The following FANK1 variants were observed in gnomAD, a reference collection of about 807,000 sequenced individuals.
FANK1 encodes fibronectin type III and ankyrin repeat domains 1, also known as fibronectin type 3 and ankyrin repeat domains protein 1.
Under a neutral mutation model 45.3 loss-of-function variants are expected in FANK1, and 44 were observed. The ratio of observed to expected loss-of-function variants is 0.97; its 90% CI spans 0.76 to 1.25. FANK1 has a LOEUF of 1.25. Among genes scored for constraint, FANK1 ranks in the 50% most tolerant of loss-of-function variants. The probability of loss-of-function intolerance (pLI) is 0.00; values close to 1 mark genes in which losing one functional copy is unlikely to be tolerated. For missense variants in FANK1, 391 were observed against 424.4 expected, an observed-to-expected ratio of 0.92 and a Z score of 0.69; for synonymous variants, 149 against 152.5, an observed-to-expected ratio of 0.98 and a Z score of 0.17.
At chr10:125,991,278 T>TGTGTGTGTGTGTGTGTGTG (rs60170742) in intron 3 of FANK1, among the ~76,000 whole-genome samples, 6 of 147,058 alleles carry the variant, frequency 4.1e-5, no homozygotes, top group African/African-American at 1.5e-4. Flanking sequence ...TGTGTGTGTG[T>TGTGTGTGTGTGTGTGTGTG]TGGGGGAGTG....
chr10:125,944,990 G>A (rs1184270242), intron 1 of FANK1, among the ~76,000 whole-genome samples: 2 of 152,176 alleles, frequency 1.3e-5, no homozygotes, highest in East Asian at 1.9e-4. Context: ...CCCCAACCGA[G>A]CTTGTCTCCA....
chr10:125,962,237 C>T (rs1187194723), intron 1 of FANK1, among the ~76,000 whole-genome samples: 2 of 152,160 alleles, frequency 1.3e-5, no homozygotes, highest in South Asian at 2.1e-4. Flanking sequence ...TTTCTGTAGA[C>T]CCCCTTGCAC....
chr10:125,910,919 A>T (rs924105755), intron 1 of FANK1, among the ~76,000 whole-genome samples: 12 of 151,898 alleles, frequency 7.9e-5, no homozygotes, highest in Non-Finnish European at 1.5e-5. Context: ...CTGTAGTTCC[A>T]GTTACTTGGG....
chr10:125,905,144 A>AC (rs1460323073), intron 1 of FANK1, among the ~76,000 whole-genome samples: 2 of 50,680 alleles, frequency 3.9e-5, no homozygotes, highest in African/African-American at 7.3e-5. Flanking sequence ...AAAAAAAAAA[A>AC]AAAAAACAAA....
At chr10:125,999,606 C>CA (rs1952607277) in intron 6 of FANK1, among the ~76,000 whole-genome samples, 1 of 151,946 alleles carries the variant, frequency 6.6e-6, no homozygotes, top group Non-Finnish European at 1.5e-5. Context: ...AATTCCTTTC[C>CA]AAAATTAGTA....
chr10:125,951,448 A>G (rs1376039618), intron 1 of FANK1, among the ~76,000 whole-genome samples: 2 of 152,182 alleles, frequency 1.3e-5, no homozygotes, highest in African/African-American at 4.8e-5. Context: ...TGAGTTGCTC[A>G]TTGTGACAGG....
chr10:125,986,938 A>G (rs3812684), intron 2 of FANK1, among the ~76,000 whole-genome samples: 136,595 of 152,216 alleles, frequency 0.9, 61,338 homozygotes, highest in Admixed American at 0.92. Context: ...GCCATGCCTC[A>G]TCCTTTAGGA....
rs529252082 is a variant in FANK1, at chr10:125,921,548, G to C, written c.13+24893G>C. ...TGCAAATGACTAAGGGTGTAGGATTGCTGAGTCACATGGTCCGTGTACGTT... is the reference window on the plus strand; with the variant it reads ...TGCAAATGACTAAGGGTGTAGGATTCCTGAGTCACATGGTCCGTGTACGTT... On this transcript the variant is annotated intron_variant, in intron 1 of 10. Coordinates refer to ENST00000368693, the MANE Select transcript of FANK1 (RefSeq NM_145235.5). Among the ~76,000 whole-genome samples the C allele has an allele frequency of 3.3e-4, 50 of 152,316 alleles. No individual in the cohort carries two copies. In the South Asian group the frequency reaches 9.7e-3, roughly 30 times the overall value.
chr10:126,009,175 A>G lies in FANK1; in HGVS notation c.927+44A>G, dbSNP rs781365412. The G allele has an allele frequency of 5.0e-6, 8 of 1,614,102 alleles. No individual in the cohort carries two copies. The East Asian group carries it at 1.8e-4, about 36-fold the overall frequency. On this transcript the variant is annotated intron_variant, in intron 9 of 10. Coordinates refer to ENST00000368693, the MANE Select transcript of FANK1 (RefSeq NM_145235.5). ...ATGTAAAGATTTTCCTCGGAGGGGG[A>G]GAAAACATTTATAAGCATGTAAAAT...
intron 7 of FANK1, among the ~76,000 whole-genome samples, chr10:126,008,078 A>C (rs1164747740): frequency 6.6e-6 from 1 of 152,238 alleles, no homozygotes; most frequent in Non-Finnish European, 1.5e-5. Flanking sequence ...ACAACAATAC[A>C]TAAAAGTAAG....
chr10:125,900,663 G>A (rs1261333308), intron 1 of FANK1, among the ~76,000 whole-genome samples: 1 of 151,672 alleles, frequency 6.6e-6, no homozygotes, highest in Non-Finnish European at 1.5e-5. Context: ...TTTGTTTTTT[G>A]TTTTTTGAGA....
At chr10:125,929,672 G>A (rs530509563) in intron 1 of FANK1, among the ~76,000 whole-genome samples, 2 of 152,264 alleles carry the variant, frequency 1.3e-5, no homozygotes, top group Non-Finnish European at 2.9e-5. Context: ...TAACAGTGGA[G>A]CGTGTGCAGG....
At chr10:125,945,776 G>A (rs1327572523) in intron 1 of FANK1, among the ~76,000 whole-genome samples, 2 of 152,226 alleles carry the variant, frequency 1.3e-5, no homozygotes, top group Non-Finnish European at 2.9e-5. Flanking sequence ...GCCTGCCTCT[G>A]TAGGCTCCAC....
intron 1 of FANK1, among the ~76,000 whole-genome samples, chr10:125,906,991 G>C (rs891958131): frequency 6.6e-6 from 1 of 152,180 alleles, no homozygotes; most frequent in African/African-American, 2.4e-5. Context: ...TAGCCTCTCT[G>C]AGCATTAGGT....
chr10:125,994,366 T>C, intron 3 of FANK1: 1 of 984,780 alleles, frequency 1.0e-6, no homozygotes. Context: ...ACTTGGCATG[T>C]ACATTACTTA....
At chr10:125,942,813 C>CTTTTT (rs772933009) in intron 1 of FANK1, among the ~76,000 whole-genome samples, 1 of 126,868 alleles carries the variant, frequency 7.9e-6, no homozygotes, top group African/African-American at 2.9e-5. Context: ...TTATAATTTG[C>CTTTTT]TTTTTTTTTT....
At chr10:125,938,281 A>G (rs988699438) in intron 1 of FANK1, among the ~76,000 whole-genome samples, 5 of 89,826 alleles carry the variant, frequency 5.6e-5, no homozygotes, top group African/African-American at 1.3e-4. Context: ...AGTGAATAGT[A>G]TGAATTTATG....
intron 1 of FANK1, among the ~76,000 whole-genome samples, chr10:125,926,980 A>G (rs1324194191): frequency 6.6e-6 from 1 of 152,244 alleles, no homozygotes; most frequent in Non-Finnish European, 1.5e-5. Flanking sequence ...ATGACCAGCA[A>G]CCCAGAAGCC....
chr10:125,928,189 G>A lies in FANK1; in HGVS notation c.13+31534G>A, dbSNP rs74502650. ...GGCTACTCTATAGACAGAGCAGCCC[G>A]AGGGCTGCTGGTTACCCATTCTTAT... On this transcript the variant is annotated intron_variant, in intron 1 of 10. Coordinates refer to ENST00000368693, the MANE Select transcript of FANK1 (RefSeq NM_145235.5). Among the ~76,000 whole-genome samples, 5 of 151,774 alleles carry A rather than the reference G, an allele frequency of 3.3e-5. No homozygotes were observed. In the East Asian group the frequency reaches 5.8e-4, roughly 18 times the overall value.
Sources: allele counts gnomAD v4.1 joint callset (sites outside exome capture counted in the v4.1 genomes callset), GRCh38; gene constraint gnomAD v4.1.1; transcripts MANE v1.5; gene names NCBI Gene and HGNC (gene_info 2026-07-23, HGNC 2026-07-21).